Variants in SYTL2 observed in about 807,000 individuals in gnomAD.
SYTL2 encodes the protein synaptotagmin like 2.
SYTL2 carries 165 observed loss-of-function variants against 198.7 expected under a neutral mutation model. That is an observed-to-expected ratio of 0.83 (90% confidence interval 0.73 to 0.94). The LOEUF (loss-of-function observed/expected upper bound fraction) is 0.94. SYTL2 is among the 40% of genes least tolerant of loss of function. The pLI is 0.00. For synonymous variants in SYTL2, 966 were observed against 917.7 expected, an observed-to-expected ratio of 1.05 and a Z score of -0.95; for missense variants, 2,835 against 2,582.8, an observed-to-expected ratio of 1.10 and a Z score of -2.12.
At chr11:85,709,755 T>C (rs1013300416) in intron 13 of SYTL2, among the ~76,000 whole-genome samples, 9 of 152,182 alleles carry the variant, frequency 5.9e-5, no homozygotes, top group African/African-American at 2.2e-4. Context: ...TGATCTCGGC[T>C]CACTGCAACC....
intron 1 of SYTL2, among the ~76,000 whole-genome samples, chr11:85,796,334 A>C (rs2092804010): frequency 6.6e-6 from 1 of 152,218 alleles, no homozygotes; most frequent in African/African-American, 2.4e-5. Flanking sequence ...CACACCATAG[A>C]AACTTAACAC....
At chr11:85,712,725 C>CA (rs2086526892) in intron 12 of SYTL2, among the ~76,000 whole-genome samples, 5 of 149,462 alleles carry the variant, frequency 3.3e-5, no homozygotes, top group African/African-American at 7.4e-5. Flanking sequence ...CACACACACA[C>CA]TTTTTTTTTC....
intron 1 of SYTL2, among the ~76,000 whole-genome samples, chr11:85,764,180 T>C (rs946467210): frequency 6.6e-6 from 1 of 152,208 alleles, no homozygotes; most frequent in African/African-American, 2.4e-5. Context: ...ACAAAAAAGA[T>C]GTCATGCTCT....
intron 4 of SYTL2, among the ~76,000 whole-genome samples, chr11:85,745,059 C>T (rs1430171501): frequency 6.6e-6 from 1 of 152,144 alleles, no homozygotes; most frequent in African/African-American, 2.4e-5. Context: ...TCTATCATGC[C>T]AGGTATTCTA....
chr11:85,759,422 T>G (rs981430208), intron 1 of SYTL2, among the ~76,000 whole-genome samples: 2 of 152,216 alleles, frequency 1.3e-5, no homozygotes, highest in African/African-American at 2.4e-5. Context: ...TACCGACCAC[T>G]GTGAAGCTGT....
At chr11:85,759,189 T>A (rs1442875106) in intron 1 of SYTL2, among the ~76,000 whole-genome samples, 1 of 145,420 alleles carries the variant, frequency 6.9e-6, no homozygotes, top group Admixed American at 7.2e-5. Context: ...GAGGTTGCAG[T>A]GAGCCGGGAT....
chr11:85,852,358 C>G, the SYTL2 span, among the ~76,000 whole-genome samples: 2 of 151,990 alleles, frequency 1.3e-5, no homozygotes, highest in African/African-American at 2.4e-5. Context: ...CTGCCTCCCC[C>G]TCCCCCTCTC....
intron 16 of SYTL2, among the ~76,000 whole-genome samples, chr11:85,700,919 T>C (rs1270651779): frequency 2.0e-5 from 3 of 152,202 alleles, no homozygotes; most frequent in Non-Finnish European, 2.9e-5. Context: ...AAAACACAAA[T>C]ATTTTGTTAG....
chr11:85,756,584 A>C (rs562206593), intron 2 of SYTL2, among the ~76,000 whole-genome samples: 1 of 152,208 alleles, frequency 6.6e-6, no homozygotes, highest in East Asian at 1.9e-4. Flanking sequence ...CAAATGGGGT[A>C]ATTATATCCC....
intron 7 of SYTL2, among the ~76,000 whole-genome samples, chr11:85,732,828 G>C (rs913860659): frequency 2.0e-5 from 3 of 152,100 alleles, no homozygotes; most frequent in Non-Finnish European, 4.4e-5. Flanking sequence ...CATAGGGTTC[G>C]ATGCAGGCTT....
intron 12 of SYTL2, 30 bp from the exon 13 acceptor site, chr11:85,711,262 T>C: frequency 5.0e-6 from 8 of 1,602,770 alleles, no homozygotes; most frequent in Non-Finnish European, 6.8e-6. Context: ...ATGCACAATA[T>C]TTAAATTCAG....
At position 85,733,912 on chromosome 11, in the gene SYTL2, A is replaced by T. The variant is rs371913116; in HGVS notation, c.1390+27T>A. The T allele has an allele frequency of 2.3e-5, 36 of 1,599,680 alleles. No individual in the cohort carries two copies. The African/African-American group carries it at 4.6e-4, about 20-fold the overall frequency. The stretch of plus-strand genomic sequence containing the variant: ...CCGCGCCCGGCCCCACCAAGTTTTT[A>T]TAATCTAGTAGTGACAACTCTCTTA... On this transcript the variant is annotated intron_variant, in intron 7 of 19. Coordinates refer to ENST00000359152, the MANE Select transcript of SYTL2 (RefSeq NM_206927.4).
intron 7 of SYTL2, among the ~76,000 whole-genome samples, chr11:85,732,637 A>T (rs751439752): frequency 5.6e-4 from 85 of 152,300 alleles, no homozygotes; most frequent in Admixed American, 1.1e-3. Flanking sequence ...AGAAATACCT[A>T]ATGTAGGTGA....
intron 13 of SYTL2, among the ~76,000 whole-genome samples, chr11:85,710,174 C>A (rs879781621): frequency 1.3e-5 from 2 of 152,102 alleles, no homozygotes; most frequent in African/African-American, 2.4e-5. Context: ...ACACTCTAAT[C>A]ATAGTGACAC....
chr11:85,820,425 C>T, the SYTL2 span, among the ~76,000 whole-genome samples: 1 of 152,298 alleles, frequency 6.6e-6, no homozygotes, highest in Non-Finnish European at 1.5e-5. Flanking sequence ...AGAGTGAGCA[C>T]CTGATTTGGA....
intron 1 of SYTL2, among the ~76,000 whole-genome samples, chr11:85,783,924 G>C (rs1323222084): frequency 6.6e-6 from 1 of 152,076 alleles, no homozygotes; most frequent in Non-Finnish European, 1.5e-5. Flanking sequence ...CTGTGGCCTG[G>C]CTCATTTTCT....
chr11:85,754,630 T>C (rs1245040622), intron 2 of SYTL2, among the ~76,000 whole-genome samples: 2 of 152,238 alleles, frequency 1.3e-5, no homozygotes, highest in Non-Finnish European at 2.9e-5. Flanking sequence ...TCGCTATCTC[T>C]TGCTTCCTAA....
intron 1 of SYTL2, among the ~76,000 whole-genome samples, chr11:85,779,332 A>G (rs1248238066): frequency 1.3e-5 from 2 of 152,116 alleles, no homozygotes; most frequent in African/African-American, 2.4e-5. Flanking sequence ...AGTTATTGCT[A>G]TTGCTATTAT....
chr11:85,765,442 G>C (rs996312490), intron 1 of SYTL2, among the ~76,000 whole-genome samples: 5 of 152,108 alleles, frequency 3.3e-5, no homozygotes, highest in African/African-American at 1.2e-4. Context: ...TCACCATGTT[G>C]CCCAGGCTGG....
Sources: gnomAD v4.1 joint callset for allele counts (sites outside exome capture counted in the v4.1 genomes callset) on GRCh38, gnomAD v4.1.1 for gene constraint, MANE v1.5 for transcripts, NCBI Gene and HGNC (gene_info 2026-07-23, HGNC 2026-07-21) for gene names.